Variants in TSPEAR observed in about 807,000 individuals in gnomAD.
TSPEAR encodes the protein thrombospondin-type laminin G domain and EAR repeat-containing protein.
TSPEAR carries 69 observed loss-of-function variants against 71.6 expected under a neutral mutation model. That is an observed-to-expected ratio of 0.96 (90% confidence interval 0.79 to 1.18). The LOEUF (loss-of-function observed/expected upper bound fraction) is 1.18. TSPEAR is among the 50% of genes most tolerant of loss of function. The pLI is 0.00. For synonymous variants in TSPEAR, 402 were observed against 387.2 expected (o/e 1.04, Z -0.45); for missense variants, 971 against 894.9 (o/e 1.09, Z -1.09).
At chr21:44,702,098 G>A (rs1987676130) in intron 1 of TSPEAR, 7 of 885,338 alleles carry the variant, frequency 7.9e-6, no homozygotes, top group African/African-American at 1.7e-5. Flanking sequence ...GAGGGAGGCA[G>A]GGAAACTTCA....
chr21:44,518,648 A>G (rs2052662181), intron 9 of TSPEAR: 1 of 470,742 alleles, frequency 2.1e-6, no homozygotes, highest in Admixed American at 2.4e-5. Flanking sequence ...TCTGCTCTCA[A>G]GACCCCCTGG....
At chr21:44,557,465 A>G (rs181315029) in intron 2 of TSPEAR, among the ~76,000 whole-genome samples, 5 of 152,328 alleles carry the variant, frequency 3.3e-5, no homozygotes, top group Non-Finnish European at 5.9e-5. Flanking sequence ...ATTTTATTTA[A>G]TAAGAGAGGG....
chr21:44,589,965 A>G (rs1440516013), intron 1 of TSPEAR, among the ~76,000 whole-genome samples: 1 of 152,234 alleles, frequency 6.6e-6, no homozygotes, highest in African/African-American at 2.4e-5. Flanking sequence ...GGAGGCTCTC[A>G]TTTGTCCCTT....
chr21:44,587,733 C>CA (rs1979431122), intron 1 of TSPEAR, among the ~76,000 whole-genome samples: 3 of 152,116 alleles, frequency 2.0e-5, no homozygotes, highest in Non-Finnish European at 4.4e-5. Context: ...TACTTACCGC[C>CA]GACTGATCTT....
rs587638425 is a variant in TSPEAR, at chr21:44,661,013, C to T, written c.82+50420G>A. Among the ~76,000 whole-genome samples the T allele has an allele frequency of 3.6e-4, 54 of 150,922 alleles. 1 individual carries two copies. In the South Asian group the frequency reaches 9.1e-3, roughly 25 times the overall value. Reference sequence around the variant, plus strand: ...TAAAAGAAGATAAATATAAATAGGCCGGGCGCGGTGGCTCACGCCTGTAAT... The same window carrying T: ...TAAAAGAAGATAAATATAAATAGGCTGGGCGCGGTGGCTCACGCCTGTAAT... On this transcript the variant is annotated intron_variant, in intron 1 of 11. Transcript: ENST00000323084.
chr21:44,531,028 C>T lies in TSPEAR; in HGVS notation c.633+15G>A, dbSNP rs1218788813. On this transcript the variant is annotated intron_variant, in intron 4 of 11. Coordinates refer to ENST00000323084, the MANE Select transcript of TSPEAR (RefSeq NM_144991.3). ...CGCAGCACGGGTGTTGGGAAGGCAG[C>T]CCCTCCATACTCGCCATGAACAGGC... 5 of 1,608,036 alleles carry T rather than the reference C, an allele frequency of 3.1e-6. No individual in the cohort carries two copies. Among genetic ancestry groups the T allele is most frequent in the Admixed American group, 1.7e-5 (1 of 59,960 alleles).
At chr21:44,584,973 C>G (rs455714) in intron 1 of TSPEAR, among the ~76,000 whole-genome samples, 143,955 of 152,324 alleles carry the variant, frequency 0.95, 68,176 homozygotes, top group Non-Finnish European at 0.97. Flanking sequence ...AAAAATCTCT[C>G]AATCTGTGGG....
intron 3 of TSPEAR, among the ~76,000 whole-genome samples, chr21:44,531,763 C>T (rs1364186679): frequency 6.6e-6 from 1 of 152,202 alleles, no homozygotes; most frequent in African/African-American, 2.4e-5. Flanking sequence ...GGACAGATGG[C>T]TTCAGGACAG....
chr21:44,520,040 C>CTTCCTGGCTCCCAGGCACGCTCACCTG lies in TSPEAR; in HGVS notation c.1566+1816_1566+1842dup. The CTTCCTGGCTCCCAGGCACGCTCACCTG allele has an allele frequency of 6.6e-6, 1 of 152,482 alleles. No homozygotes were observed. Among genetic ancestry groups the CTTCCTGGCTCCCAGGCACGCTCACCTG allele is most frequent in the Non-Finnish European group, 1.5e-5 (1 of 68,248 alleles). The allele number at this position is 152,482 out of a possible 1,614,324, so 9.4% of individuals were successfully genotyped here. On this transcript the variant is annotated intron_variant, in intron 9 of 11. Transcript: ENST00000323084. This position sits in a 1 kb window ranked among gnomAD's most constrained non-coding sequence, Gnocchi z 4.2. ...CCGTGGCAGGAGGCTCATCCCGCCT[C>CTTCCTGGCTCCCAGGCACGCTCACCTG]TTCCTGGCTCCCAGGCACGCTCACC...
intron 1 of TSPEAR, among the ~76,000 whole-genome samples, chr21:44,651,852 G>A (rs1984811019): frequency 6.6e-6 from 1 of 152,036 alleles, no homozygotes. Context: ...TGGACTAAGG[G>A]GAAAAAAATC....
intron 1 of TSPEAR, among the ~76,000 whole-genome samples, chr21:44,570,141 G>A (rs1355389788): frequency 6.6e-6 from 1 of 152,156 alleles, no homozygotes; most frequent in Non-Finnish European, 1.5e-5. Flanking sequence ...TCCAGAAGGT[G>A]CCCTGCCCAG....
intron 1 of TSPEAR, chr21:44,681,869 G>A: frequency 6.2e-7 from 1 of 1,613,996 alleles, no homozygotes; most frequent in Non-Finnish European, 8.5e-7. Context: ...AGATGGGTCT[G>A]CAGAGGACGC....
intron 2 of TSPEAR, among the ~76,000 whole-genome samples, chr21:44,564,253 A>C (rs1227969665): frequency 2.0e-5 from 3 of 152,224 alleles, no homozygotes; most frequent in African/African-American, 7.2e-5. Flanking sequence ...TTGCAAATAC[A>C]AAATTCATAA....
At chr21:44,645,543 C>G (rs181343851) in intron 1 of TSPEAR, among the ~76,000 whole-genome samples, 1 of 151,518 alleles carries the variant, frequency 6.6e-6, no homozygotes, top group African/African-American at 2.4e-5. Flanking sequence ...TAGTAGAGAC[C>G]GGGTTTCACC....
intron 1 of TSPEAR, among the ~76,000 whole-genome samples, chr21:44,596,329 C>T (rs1980368995): frequency 6.6e-6 from 1 of 152,230 alleles, no homozygotes; most frequent in Admixed American, 6.5e-5. Context: ...TCCCATCACC[C>T]TCTCTGTGGC....
At chr21:44,513,997 G>A (rs782312753) in intron 9 of TSPEAR, among the ~76,000 whole-genome samples, 3 of 152,138 alleles carry the variant, frequency 2.0e-5, no homozygotes, top group East Asian at 1.9e-4. Context: ...GGTGCCCCCC[G>A]TGCTCTTCCC....
rs1048243539 is a variant in TSPEAR, at chr21:44,621,686, T to G, written c.83-53681A>C. The stretch of plus-strand genomic sequence containing the variant: ...TAAAACAAGCTGATAAATTTAAGAC[T>G]GGTATTATTTCTCTCCCAGTTGTTT... On this transcript the variant is annotated intron_variant, in intron 1 of 11. Transcript: ENST00000323084. 3.3e-5 allele frequency among the ~76,000 whole-genome samples: 5 copies of G among 152,354 alleles called. No individual in the cohort carries two copies. In the South Asian group the frequency reaches 1.0e-3, roughly 32 times the overall value.
chr21:44,666,193 T>G (rs1227479649), intron 1 of TSPEAR: 3 of 486,206 alleles, frequency 6.2e-6, no homozygotes, highest in Admixed American at 3.7e-5. Flanking sequence ...CAGAGCTGCA[T>G]GGGGAAAGCT....
chr21:44,628,269 C>G (rs1398127274), intron 1 of TSPEAR: 3 of 430,760 alleles, frequency 7.0e-6, no homozygotes, highest in East Asian at 3.3e-5. Context: ...TGGCTGCAGA[C>G]CACAACCCTC....
Sources: allele counts gnomAD v4.1 joint callset (sites outside exome capture counted in the v4.1 genomes callset), GRCh38; gene constraint gnomAD v4.1.1; non-coding constraint Gnocchi (gnomAD v3.1); transcripts MANE v1.5; gene names NCBI Gene and HGNC (gene_info 2026-07-23, HGNC 2026-07-21).